EDN1: variants seen among roughly 807,000 people sequenced by gnomAD.
The protein encoded by EDN1 is endothelin 1.
A neutral mutation model predicts 21.7 loss-of-function variants in EDN1; 11 were observed. The ratio of observed to expected loss-of-function variants is 0.51; its 90% CI spans 0.32 to 0.84. The LOEUF (loss-of-function observed/expected upper bound fraction) is 0.84. EDN1 is among the 40% of genes least tolerant of loss of function. EDN1 has a pLI of 0.03. For missense variants in EDN1, 244 were observed against 262.3 expected (o/e 0.93, Z 0.48); for synonymous variants, 85 against 90.6 (o/e 0.94, Z 0.35).
the EDN1 span, among the ~76,000 whole-genome samples, chr6:12,281,643 T>A: frequency 6.6e-6 from 1 of 152,236 alleles, no homozygotes; most frequent in Non-Finnish European, 1.5e-5. Context: ...TATTAATAGT[T>A]TCACTTTCCT....
the EDN1 span, among the ~76,000 whole-genome samples, chr6:12,239,580 A>G: frequency 6.6e-6 from 1 of 152,176 alleles, no homozygotes; most frequent in Admixed American, 6.5e-5. Context: ...TAGAAGAACC[A>G]TTTTGGACCA....
the EDN1 span, among the ~76,000 whole-genome samples, chr6:12,252,039 G>T: frequency 6.6e-6 from 1 of 152,172 alleles, no homozygotes; most frequent in African/African-American, 2.4e-5. Flanking sequence ...TGGGCAGCAA[G>T]TTCCTTTTGC....
the EDN1 span, among the ~76,000 whole-genome samples, chr6:12,273,768 C>T: frequency 6.6e-6 from 1 of 152,084 alleles, no homozygotes; most frequent in Non-Finnish European, 1.5e-5. Flanking sequence ...GAGACTCTGG[C>T]ACTGTCTTTG....
chr6:12,241,623 C>G, the EDN1 span, among the ~76,000 whole-genome samples: 1 of 152,144 alleles, frequency 6.6e-6, no homozygotes, highest in East Asian at 1.9e-4. Flanking sequence ...GCCCATTGCT[C>G]TATGGTAAGT....
chr6:12,236,227 T>G, the EDN1 span, among the ~76,000 whole-genome samples: 1 of 152,200 alleles, frequency 6.6e-6, no homozygotes, highest in Non-Finnish European at 1.5e-5. Flanking sequence ...AATAATAGAA[T>G]AAATTTGAAT....
chr6:12,249,898 G>C, the EDN1 span, among the ~76,000 whole-genome samples: 2 of 152,012 alleles, frequency 1.3e-5, no homozygotes, highest in Non-Finnish European at 2.9e-5. Context: ...AGACACCAGA[G>C]ACTGCCAGAA....
chr6:12,246,139 A>C, the EDN1 span, among the ~76,000 whole-genome samples: 1 of 152,162 alleles, frequency 6.6e-6, no homozygotes, highest in Non-Finnish European at 1.5e-5. Context: ...CTCTTCCTTT[A>C]ATAATTTCCA....
At chr6:12,261,168 G>C in the EDN1 span, among the ~76,000 whole-genome samples, 1 of 152,164 alleles carries the variant, frequency 6.6e-6, no homozygotes, top group Non-Finnish European at 1.5e-5. Context: ...GAGTACTCTA[G>C]ATTCATTAAA....
At chr6:12,285,151 TATC>T in the EDN1 span, among the ~76,000 whole-genome samples, 2 of 152,198 alleles carry the variant, frequency 1.3e-5, no homozygotes, top group African/African-American at 2.4e-5. Flanking sequence ...TACATAATCA[TATC>T]ATTATTTTCT....
chr6:12,234,064 CT>C, the EDN1 span, among the ~76,000 whole-genome samples: 1 of 152,216 alleles, frequency 6.6e-6, no homozygotes, highest in Non-Finnish European at 1.5e-5. Context: ...AGGAGCCCAC[CT>C]ATACATCTGT....
At chr6:12,268,569 A>G in the EDN1 span, among the ~76,000 whole-genome samples, 80 of 152,158 alleles carry the variant, frequency 5.3e-4, no homozygotes, top group African/African-American at 1.8e-3. Context: ...TGTTGAAGAG[A>G]TTGTCCTTTC....
chr6:12,232,291 G>A, the EDN1 span, among the ~76,000 whole-genome samples: 1 of 149,584 alleles, frequency 6.7e-6, no homozygotes, highest in Non-Finnish European at 1.5e-5. Flanking sequence ...CACGATCATA[G>A]TCTCTACCAA....
the EDN1 span, among the ~76,000 whole-genome samples, chr6:12,264,694 C>T: frequency 6.6e-6 from 1 of 152,152 alleles, no homozygotes; most frequent in Non-Finnish European, 1.5e-5. Context: ...CAAAGCCATC[C>T]TGGACCACAT....
At chr6:12,276,119 G>A in the EDN1 span, among the ~76,000 whole-genome samples, 7 of 137,600 alleles carry the variant, frequency 5.1e-5, no homozygotes, top group South Asian at 2.3e-4. Context: ...CCGAGGTCGC[G>A]CCACTGCACT....
At chr6:12,273,244 G>A in the EDN1 span, among the ~76,000 whole-genome samples, 1 of 152,162 alleles carries the variant, frequency 6.6e-6, no homozygotes, top group African/African-American at 2.4e-5. Context: ...AGAGATGTGT[G>A]GAAATGCATT....
the EDN1 span, among the ~76,000 whole-genome samples, chr6:12,261,361 C>T: frequency 6.6e-6 from 1 of 152,222 alleles, no homozygotes; most frequent in Non-Finnish European, 1.5e-5. Flanking sequence ...CAAACAGGTA[C>T]GCTCCGAAAT....
At chr6:12,273,175 C>A in the EDN1 span, among the ~76,000 whole-genome samples, 1 of 152,154 alleles carries the variant, frequency 6.6e-6, no homozygotes, top group Non-Finnish European at 1.5e-5. Context: ...GAGGAGGCCT[C>A]CCCAGGAAAG....
At chr6:12,239,687 T>C in the EDN1 span, among the ~76,000 whole-genome samples, 1 of 152,082 alleles carries the variant, frequency 6.6e-6, no homozygotes, top group Non-Finnish European at 1.5e-5. Context: ...GGCAGGAGAA[T>C]TGCTTGAGCC....
chr6:12,255,177 G>T, the EDN1 span, among the ~76,000 whole-genome samples: 4 of 152,128 alleles, frequency 2.6e-5, no homozygotes, highest in African/African-American at 4.8e-5. Flanking sequence ...GAATTGAATA[G>T]TAATCTTATT....
Sources: gnomAD v4.1 joint callset for allele counts (sites outside exome capture counted in the v4.1 genomes callset) on GRCh38, gnomAD v4.1.1 for gene constraint, MANE v1.5 for transcripts, NCBI Gene and HGNC (gene_info 2026-07-23, HGNC 2026-07-21) for gene names.